The following B4GALNT3 variants were observed in gnomAD, a reference collection of about 807,000 sequenced individuals.
B4GALNT3 encodes beta-1,4-N-acetylgalactosaminyltransferase 3.
B4GALNT3 carries 86 observed loss-of-function variants against 120.2 expected under a neutral mutation model. The observed-to-expected ratio is 0.72, with a 90% CI of 0.60 to 0.86. B4GALNT3 has a LOEUF of 0.86. B4GALNT3 is among the 40% of genes least tolerant of loss of function. The pLI is 0.00. For missense variants in B4GALNT3, 1,167 were observed against 1,298.9 expected (o/e 0.90, Z 1.56); for synonymous variants, 518 against 510.4 (o/e 1.01, Z -0.20).
At position 465,802 on chromosome 12, in the gene B4GALNT3, G is replaced by C. The variant is rs1046842249; in HGVS notation, c.169+5257G>C. Among the ~76,000 whole-genome samples the C allele has an allele frequency of 3.4e-5, 5 of 147,082 alleles. No individual in the cohort carries two copies. The South Asian group carries it at 1.1e-3, about 33-fold the overall frequency. On this transcript the variant is annotated intron_variant, in intron 1 of 19. Transcript: ENST00000266383. ...TGAGGTCCCATTCCCCTGCTTGATG[G>C]TGCTGGGGTTGCCTGCCACTCCCTG...
Position 553,195 on chromosome 12 carries a change from T to C in B4GALNT3, c.1272T>C (p.Gly424=), listed in dbSNP as rs1373512577. The C allele has an allele frequency of 1.2e-6, 2 of 1,608,900 alleles. No individual in the cohort carries two copies. Among genetic ancestry groups the C allele is most frequent in the African/African-American group, 2.7e-5 (2 of 74,738 alleles). Residue 424 remains glycine (G), a splice_region_variant and synonymous_variant, in exon 14 of 20, where the codon GGT becomes GGC. Transcript: ENST00000266383. ...AGGAATGGTTGTTATTAATAGCAGG[T>C]TTTGAGGAAAACCTTCTAGAAGAGT... ...QPEKQGLEQP[G]FEENLLEESQ... is the part of the protein sequence containing the mutation.
chr12:506,549 C>T (rs1047805585), intron 1 of B4GALNT3, among the ~76,000 whole-genome samples: 1 of 152,116 alleles, frequency 6.6e-6, no homozygotes, highest in Non-Finnish European at 1.5e-5. Flanking sequence ...TTCAATATGC[C>T]TTCTAAGTGT....
intron 1 of B4GALNT3, among the ~76,000 whole-genome samples, chr12:523,810 C>T (rs1946735450): frequency 6.6e-6 from 1 of 152,214 alleles, no homozygotes. Context: ...TGCCTGTAAT[C>T]CCAGCACTTT....
intron 1 of B4GALNT3, among the ~76,000 whole-genome samples, chr12:517,716 C>A (rs1477600186): frequency 6.6e-6 from 1 of 151,974 alleles, no homozygotes; most frequent in Non-Finnish European, 1.5e-5. Context: ...ATGTACTTGT[C>A]ATGTTATCAA....
chr12:483,907 G>A lies in B4GALNT3; in HGVS notation c.169+23362G>A, dbSNP rs144127950. ...CATGACACTGCAATGGTGGAGGGGC[G>A]AGTTGACTTGCACAGTGAGCTGGCC... On this transcript the variant is annotated intron_variant, in intron 1 of 19. Transcript: ENST00000266383. 2.9e-4 allele frequency among the ~76,000 whole-genome samples: 44 copies of A among 152,286 alleles called. No homozygotes were observed. In the East Asian group the frequency reaches 3.5e-3, roughly 12 times the overall value.
chr12:542,969 C>T, intron 3 of B4GALNT3: 1 of 484,738 alleles, frequency 2.1e-6, no homozygotes, highest in Non-Finnish European at 3.5e-6. Context: ...GCTTTCCTCT[C>T]CTCAGGATCA....
intron 1 of B4GALNT3, among the ~76,000 whole-genome samples, chr12:515,045 T>C (rs1946639035): frequency 6.6e-6 from 1 of 152,062 alleles, no homozygotes; most frequent in Non-Finnish European, 1.5e-5. Flanking sequence ...AGAACACAAA[T>C]TCTGGAACCA....
In B4GALNT3 at chr12:561,418, C is replaced by T; in HGVS notation, c.2964C>T (p.Gly988=). The T allele has an allele frequency of 3.1e-6, 5 of 1,613,758 alleles. No homozygotes were observed. Among genetic ancestry groups the T allele is most frequent in the Non-Finnish European group, 4.2e-6 (5 of 1,179,982 alleles). Residue 988 remains glycine (G), a synonymous_variant, in exon 20 of 20, where the codon GGC becomes GGT. Coordinates refer to ENST00000266383, the MANE Select transcript of B4GALNT3 (RefSeq NM_173593.4). ...TCCATCATTTCCATTCCAAGCGAGGCATGTGGAGCCGTCGCCAGATGAAGA... is the reference window on the plus strand; with the variant it reads ...TCCATCATTTCCATTCCAAGCGAGGTATGTGGAGCCGTCGCCAGATGAAGA... ...NFFHHFHSKR[G]MWSRRQMKTL is the part of the protein sequence containing the mutation.
chr12:553,136 T>C, intron 13 of B4GALNT3, 58 bp from the exon 14 acceptor site: 1 of 1,584,620 alleles, frequency 6.3e-7, no homozygotes, highest in Non-Finnish European at 8.6e-7. Flanking sequence ...GTCTTGTATG[T>C]CTTGTTTGGA....
intron 1 of B4GALNT3, among the ~76,000 whole-genome samples, chr12:512,613 A>ACCTTCCG (rs1565598870): frequency 2.8e-5 from 2 of 71,272 alleles, no homozygotes; most frequent in Non-Finnish European, 2.7e-5. Context: ...TCCACCTTCC[A>ACCTTCCG]CCTTCCGCCT....
At chr12:517,256 G>A (rs1033161768) in intron 1 of B4GALNT3, among the ~76,000 whole-genome samples, 3 of 152,160 alleles carry the variant, frequency 2.0e-5, no homozygotes, top group African/African-American at 7.2e-5. Context: ...CTGACCCTAA[G>A]GTAAGCAATC....
At chr12:463,156 G>A (rs958309560) in intron 1 of B4GALNT3, among the ~76,000 whole-genome samples, 3 of 152,216 alleles carry the variant, frequency 2.0e-5, no homozygotes, top group African/African-American at 7.2e-5. Context: ...CATCTGGAAG[G>A]CCAGCCCCCA....
chr12:561,510 G>A lies in B4GALNT3; in HGVS notation c.*59G>A. 1 of 1,365,998 alleles carries A rather than the reference G, an allele frequency of 7.3e-7. No homozygotes were observed. The highest frequency in any genetic ancestry group is 1.0e-6 in the Non-Finnish European group (1 of 979,324). 84.6% of individuals were successfully genotyped at this position (1,365,998 alleles called of 1,614,324 possible). ...CTCTGGACTAGCAGTGGCTCCCCAGGGCCCTGCTACTGTTCAGGGATGGGG... is the reference window on the plus strand; with the variant it reads ...CTCTGGACTAGCAGTGGCTCCCCAGAGCCCTGCTACTGTTCAGGGATGGGG... On this transcript the variant is annotated 3_prime_UTR_variant, in exon 20 of 20. Transcript: ENST00000266383.
At chr12:484,966 G>A (rs1437038558) in intron 1 of B4GALNT3, among the ~76,000 whole-genome samples, 1 of 152,092 alleles carries the variant, frequency 6.6e-6, no homozygotes, top group Admixed American at 6.6e-5. Flanking sequence ...AAGTGTGAAC[G>A]CTGTCCAACT....
At chr12:544,855 CTG>C (rs1296726742) in intron 4 of B4GALNT3, 25 bp from the exon 5 acceptor site, 3 of 1,608,308 alleles carry the variant, frequency 1.9e-6, no homozygotes, top group Non-Finnish European at 2.6e-6. Flanking sequence ...TTCTGGGTAA[CTG>C]TTTCCTTCCC....
intron 1 of B4GALNT3, among the ~76,000 whole-genome samples, chr12:480,819 G>T (rs1422557320): frequency 6.6e-6 from 1 of 152,206 alleles, no homozygotes; most frequent in Non-Finnish European, 1.5e-5. Flanking sequence ...CCTTTGGCGG[G>T]AGAGGCGCAG....
chr12:507,795 A>G (rs1466781566), intron 1 of B4GALNT3, among the ~76,000 whole-genome samples: 1 of 146,498 alleles, frequency 6.8e-6, no homozygotes, highest in Non-Finnish European at 1.5e-5. Flanking sequence ...GAAATCCAGT[A>G]GTAGCTTGGT....
chr12:468,450 T>C (rs1946103779), intron 1 of B4GALNT3, among the ~76,000 whole-genome samples: 2 of 152,180 alleles, frequency 1.3e-5, no homozygotes. Context: ...AAGCTTAGAA[T>C]TTACTGACAG....
intron 7 of B4GALNT3, among the ~76,000 whole-genome samples, chr12:547,082 T>C (rs756722967): frequency 6.6e-6 from 1 of 152,054 alleles, no homozygotes; most frequent in Non-Finnish European, 1.5e-5. Context: ...CCCTTTCCCT[T>C]GCGGGGAGGG....
Sources: allele counts gnomAD v4.1 joint callset (sites outside exome capture counted in the v4.1 genomes callset), GRCh38; gene constraint gnomAD v4.1.1; transcripts MANE v1.5; gene names NCBI Gene and HGNC (gene_info 2026-07-23, HGNC 2026-07-21).